THSD7B: variants seen among roughly 807,000 people sequenced by gnomAD.
The protein encoded by THSD7B is thrombospondin type-1 domain-containing protein 7B.
THSD7B carries 138 observed loss-of-function variants against 213.6 expected under a neutral mutation model. That is an observed-to-expected ratio of 0.65 (90% CI 0.56 to 0.74). The LOEUF (loss-of-function observed/expected upper bound fraction) is 0.74, where lower values mean the gene tolerates loss of function less well. Among genes scored for constraint, THSD7B ranks in the 30% least tolerant of loss-of-function variants. The pLI is 0.00. For synonymous variants in THSD7B, 742 were observed against 687.0 expected, an observed-to-expected ratio of 1.08 and a Z score of -1.25; for missense variants, 1,931 against 1,991.5, an observed-to-expected ratio of 0.97 and a Z score of 0.58.
chr2:137,424,281 G>C (rs1686991375), intron 14 of THSD7B, among the ~76,000 whole-genome samples: 1 of 151,998 alleles, frequency 6.6e-6, no homozygotes, highest in African/African-American at 2.4e-5. Context: ...ACCACCCAAA[G>C]CACTAGAAAC....
intron 3 of THSD7B, among the ~76,000 whole-genome samples, chr2:137,074,266 C>T (rs1687567309): frequency 6.6e-6 from 1 of 152,092 alleles, no homozygotes; most frequent in Non-Finnish European, 1.5e-5. Context: ...AATCTGGGTG[C>T]TCCTGTATTG....
intron 20 of THSD7B, 129 bp downstream of exon 20, chr2:137,620,855 A>G: frequency 1.4e-6 from 1 of 711,656 alleles, no homozygotes; most frequent in Non-Finnish European, 2.3e-6. Context: ...CCCACAGGGG[A>G]AGAAAAACAG....
intron 9 of THSD7B, among the ~76,000 whole-genome samples, chr2:137,242,212 TA>T (rs1238372440): frequency 6.6e-6 from 1 of 152,180 alleles, no homozygotes; most frequent in Non-Finnish European, 1.5e-5. Flanking sequence ...TTTCAGAGGT[TA>T]TTTTTTTACT....
chr2:137,292,374 A>G (rs1312219466), intron 12 of THSD7B, among the ~76,000 whole-genome samples: 1 of 152,172 alleles, frequency 6.6e-6, no homozygotes, highest in Admixed American at 6.5e-5. Context: ...GGATGGTGAT[A>G]TGACAGTTGC....
chr2:136,916,296 T>C (rs933833639), intron 2 of THSD7B, among the ~76,000 whole-genome samples: 2 of 152,188 alleles, frequency 1.3e-5, no homozygotes, highest in African/African-American at 4.8e-5. Flanking sequence ...GTGAGAATAT[T>C]CCGGTCTACT....
chr2:136,930,004 A>C (rs1684601455), intron 2 of THSD7B, among the ~76,000 whole-genome samples: 1 of 152,196 alleles, frequency 6.6e-6, no homozygotes, highest in African/African-American at 2.4e-5. Flanking sequence ...AGGGTATGGA[A>C]GAAGGTGGTT....
intron 17 of THSD7B, 109 bp downstream of exon 17, chr2:137,572,665 A>G (rs568876300): frequency 7.9e-7 from 1 of 1,261,042 alleles, no homozygotes; most frequent in African/African-American, 1.5e-5. Flanking sequence ...GTAACATGGG[A>G]AAATAATTTT....
At chr2:137,058,095 C>T (rs1687203279) in intron 3 of THSD7B, among the ~76,000 whole-genome samples, 2 of 152,182 alleles carry the variant, frequency 1.3e-5, no homozygotes, top group African/African-American at 4.8e-5. Context: ...TTGCTGCCTT[C>T]TTGGGATCCA....
At chr2:137,010,340 A>G (rs1686206051) in intron 2 of THSD7B, among the ~76,000 whole-genome samples, 1 of 152,222 alleles carries the variant, frequency 6.6e-6, no homozygotes, top group African/African-American at 2.4e-5. Context: ...GTATAAATGT[A>G]AAAGAATCTC....
chr2:137,221,679 CATCTT>C (rs1681374523), intron 7 of THSD7B, among the ~76,000 whole-genome samples: 1 of 152,130 alleles, frequency 6.6e-6, no homozygotes, highest in South Asian at 2.1e-4. Context: ...AAATTGAAAA[CATCTT>C]AATTGTGCAA....
At chr2:137,308,205 C>G (rs143505916) in intron 12 of THSD7B, among the ~76,000 whole-genome samples, 1 of 151,996 alleles carries the variant, frequency 6.6e-6, no homozygotes, top group African/African-American at 2.4e-5. Context: ...TCAGTCCTAG[C>G]GATGATGGAG....
chr2:136,795,237 C>T (rs996293697), intron 1 of THSD7B, among the ~76,000 whole-genome samples: 1 of 151,894 alleles, frequency 6.6e-6, no homozygotes, highest in South Asian at 2.1e-4. Flanking sequence ...TTTGGAGTGT[C>T]AAGGGGAGAA....
intron 12 of THSD7B, among the ~76,000 whole-genome samples, chr2:137,329,896 A>G (rs536168235): frequency 6.6e-6 from 1 of 152,272 alleles, no homozygotes; most frequent in East Asian, 1.9e-4. Context: ...CTGTCATCAC[A>G]GGCCTGAAGG....
chr2:137,610,067 G>C (rs541565581), intron 17 of THSD7B, among the ~76,000 whole-genome samples: 3 of 152,262 alleles, frequency 2.0e-5, no homozygotes, highest in Admixed American at 1.3e-4. Flanking sequence ...TGGGGATGGG[G>C]ATATCAGTTT....
chr2:136,824,542 C>T (rs1682611897), intron 1 of THSD7B, among the ~76,000 whole-genome samples: 1 of 151,974 alleles, frequency 6.6e-6, no homozygotes, highest in Non-Finnish European at 1.5e-5. Context: ...TTTGAGTGTA[C>T]CAAATATAAT....
At chr2:137,206,258 A>G (rs546789943) in intron 7 of THSD7B, among the ~76,000 whole-genome samples, 55 of 152,030 alleles carry the variant, frequency 3.6e-4, no homozygotes, top group Non-Finnish European at 7.2e-4. Flanking sequence ...GGAGCAAGAC[A>G]TTGTGATTAT....
intron 17 of THSD7B, among the ~76,000 whole-genome samples, chr2:137,587,170 A>C (rs1361932024): frequency 6.6e-6 from 1 of 152,158 alleles, no homozygotes; most frequent in Non-Finnish European, 1.5e-5. Flanking sequence ...TTCTCGTGCC[A>C]TGGTTTTCAC....
At chr2:137,119,625 G>A (rs539535647) in intron 5 of THSD7B, among the ~76,000 whole-genome samples, 39 of 152,272 alleles carry the variant, frequency 2.6e-4, no homozygotes, top group African/African-American at 9.1e-4. Flanking sequence ...AAGTTACAAT[G>A]ACGGTGGAAA....
At chr2:136,884,205 A>T (rs1414507060) in intron 2 of THSD7B, among the ~76,000 whole-genome samples, 1 of 152,186 alleles carries the variant, frequency 6.6e-6, no homozygotes, top group Non-Finnish European at 1.5e-5. Flanking sequence ...AGTTGAGAAG[A>T]GTTTCATAGA....
Sources: allele counts gnomAD v4.1 joint callset (sites outside exome capture counted in the v4.1 genomes callset), GRCh38; gene constraint gnomAD v4.1.1; transcripts MANE v1.5; gene names NCBI Gene and HGNC (gene_info 2026-07-23, HGNC 2026-07-21).